The following YWHAZ variants were observed in gnomAD, a reference collection of about 807,000 sequenced individuals.
YWHAZ encodes the protein tyrosine 3-monooxygenase/tryptophan 5-monooxygenase activation protein zeta, also known as 14-3-3 protein zeta/delta.
For missense variants in YWHAZ, 79 were observed against 284.8 expected (o/e 0.28, Z 5.20); for synonymous variants, 87 against 103.6 (o/e 0.84, Z 0.97).
chr8:100,949,669 A>G lies in YWHAZ; in HGVS notation c.-11-769T>C, dbSNP rs920852503. On this transcript the variant is annotated intron_variant, in intron 1 of 5. Coordinates refer to ENST00000395958, the MANE Select transcript of YWHAZ (RefSeq NM_145690.3). ...GAGTACTAGAATATATCACATTGGAAGTACTTAATTTATAAGTGTTTCCAA... is the reference window on the plus strand; with the variant it reads ...GAGTACTAGAATATATCACATTGGAGGTACTTAATTTATAAGTGTTTCCAA... Among the ~76,000 whole-genome samples the G allele has an allele frequency of 2.6e-5, 4 of 152,340 alleles. No individual in the cohort carries two copies. The South Asian group carries it at 8.3e-4, about 32-fold the overall frequency.
At chr8:100,929,023 G>GTTA in intron 2 of YWHAZ, among the ~76,000 whole-genome samples, 1 of 152,194 alleles carries the variant, frequency 6.6e-6, no homozygotes, top group Non-Finnish European at 1.5e-5. Context: ...ACTAAAGAGG[G>GTTA]TAACTTAGGT....
chr8:100,950,114 A>C (rs1336768168), intron 1 of YWHAZ, among the ~76,000 whole-genome samples: 2 of 152,228 alleles, frequency 1.3e-5, no homozygotes, highest in Admixed American at 6.5e-5. Context: ...TTAAACAAAT[A>C]ATTAACCACT....
chr8:100,951,724 G>A (rs1810802989), intron 1 of YWHAZ: 4 of 985,336 alleles, frequency 4.1e-6, no homozygotes, highest in East Asian at 1.1e-4. Context: ...GCGGAAGCAA[G>A]GAGCCGGAGG....
chr8:100,917,391 T>C lies in YWHAZ; in HGVS notation c.*3302A>G, dbSNP rs1812748961. Reference sequence around the variant, plus strand: ...TTTACTAATCACACTGCTGCTCCACTTTCTGAAGGACAACTCTTAAGTGGC... The same window carrying C: ...TTTACTAATCACACTGCTGCTCCACCTTCTGAAGGACAACTCTTAAGTGGC... On this transcript the variant is annotated 3_prime_UTR_variant, in exon 6 of 6. Coordinates refer to ENST00000395958, the MANE Select transcript of YWHAZ (RefSeq NM_145690.3). 6.6e-6 allele frequency: 1 copy of C among 151,892 alleles called. No homozygotes were observed. Among genetic ancestry groups the C allele is most frequent in the Admixed American group, 6.6e-5 (1 of 15,206 alleles). The allele number at this position is 151,892 out of a possible 1,614,324, so 9.4% of individuals were successfully genotyped here.
At chr8:100,925,183 C>T in intron 2 of YWHAZ, 144 bp from the exon 3 acceptor site, 1 of 872,002 alleles carries the variant, frequency 1.1e-6, no homozygotes, top group Non-Finnish European at 1.7e-6. Flanking sequence ...ATGCAGCTGG[C>T]ACATGAATTT....
chr8:100,946,183 C>T (rs1244581878), intron 2 of YWHAZ, among the ~76,000 whole-genome samples: 2 of 152,176 alleles, frequency 1.3e-5, no homozygotes, highest in African/African-American at 4.8e-5. Flanking sequence ...TTATCCTCAT[C>T]TACTGGTTCT....
Position 100,948,555 on chromosome 8 carries a change from G to C in YWHAZ, c.294+41C>G, listed in dbSNP as rs769706615. 3.5e-5 allele frequency: 55 copies of C among 1,585,214 alleles called. No individual in the cohort carries two copies. The highest frequency in any genetic ancestry group is 4.1e-5 in the Non-Finnish European group (48 of 1,164,116). ...GAGTAATGTAACTGATACTCATAGG[G>C]ACCCTACAGTATAATGAAGCCAGAC... On this transcript the variant is annotated intron_variant, in intron 2 of 5. Transcript: ENST00000395958. The surrounding 1 kb of genome is among the most constrained non-coding windows in gnomAD (Gnocchi z 4.2).
rs1812939529 is a variant in YWHAZ, at chr8:100,920,636, G to A, written c.*57C>T. The A allele has an allele frequency of 2.9e-6, 4 of 1,371,178 alleles. No homozygotes were observed. Among genetic ancestry groups the A allele is most frequent in the African/African-American group, 1.4e-5 (1 of 70,454 alleles). 84.9% of individuals were successfully genotyped at this position (1,371,178 alleles called of 1,614,324 possible). On this transcript the variant is annotated 3_prime_UTR_variant, in exon 6 of 6. Coordinates refer to ENST00000395958, the MANE Select transcript of YWHAZ (RefSeq NM_145690.3). ...AAACTATTTGTGGGACAGCATGGAT[G>A]ACAAATGGTCTACTGTGTAAATTTT...
rs181698799 is a variant in YWHAZ, at chr8:100,932,643, A to G, written c.295-7604T>C. 5.9e-5 allele frequency among the ~76,000 whole-genome samples: 9 copies of G among 152,314 alleles called. No individual in the cohort carries two copies. The South Asian group carries it at 6.2e-4, about 11-fold the overall frequency. On this transcript the variant is annotated intron_variant, in intron 2 of 5. Transcript: ENST00000395958. ...AAGTGAGAGGCTCAATTCATTTAAG[A>G]TATTTGTCGAATACCTAGGTCTGAA...
Position 100,919,002 on chromosome 8 carries a change from G to C in YWHAZ, c.*1691C>G, listed in dbSNP as rs1812847431. On this transcript the variant is annotated 3_prime_UTR_variant, in exon 6 of 6. Transcript: ENST00000395958. ...GACAATGACAGACCATTCAGGATAG[G>C]TAGGGTTTTAAAGGGAGATAAACAC... 2 of 152,412 alleles carry C rather than the reference G, an allele frequency of 1.3e-5. No homozygotes were observed. The highest frequency in any genetic ancestry group is 1.3e-4 in the Admixed American group (2 of 15,274). The allele number at this position is 152,412 out of a possible 1,614,324, so 9.4% of individuals were successfully genotyped here.
chr8:100,949,440 C>CCTA (rs990391366), intron 1 of YWHAZ, among the ~76,000 whole-genome samples: 4 of 152,186 alleles, frequency 2.6e-5, no homozygotes, highest in Non-Finnish European at 4.4e-5. Flanking sequence ...CTACCCCAAA[C>CCTA]CTACTAGATC....
intron 1 of YWHAZ, chr8:100,950,311 G>A (rs1026692034): frequency 2.2e-6 from 2 of 909,376 alleles, no homozygotes; most frequent in Non-Finnish European, 2.6e-6. Flanking sequence ...TTCGGTACAA[G>A]AGGAAGTGGA....
rs1812761944 is a variant in YWHAZ at position 100,917,694 on chromosome 8, G to A, written c.*2999C>T. The A allele has an allele frequency of 6.6e-6, 1 of 152,170 alleles. No homozygotes were observed. The highest frequency in any genetic ancestry group is 1.5e-5 in the Non-Finnish European group (1 of 68,050). 9.4% of individuals were successfully genotyped at this position (152,170 alleles called of 1,614,324 possible). A position where few individuals can be genotyped will look rare whatever the true frequency, so the allele number is the denominator to read the frequency against. ...AGATCAGGCCACTGCACCCCAGCCT[G>A]GGCGAGAGTTGACACTCCGTCTTAA... is the stretch of plus-strand genomic sequence containing the variant. On this transcript the variant is annotated 3_prime_UTR_variant, in exon 6 of 6. Coordinates refer to ENST00000395958, the MANE Select transcript of YWHAZ (RefSeq NM_145690.3).
At chr8:100,930,078 AG>A (rs2130177410) in intron 2 of YWHAZ, among the ~76,000 whole-genome samples, 1 of 152,328 alleles carries the variant, frequency 6.6e-6, no homozygotes, top group African/African-American at 2.4e-5. Flanking sequence ...CCATAATATA[AG>A]GAAGTATACA....
intron 2 of YWHAZ, among the ~76,000 whole-genome samples, chr8:100,927,602 G>A (rs959378703): frequency 6.6e-6 from 1 of 152,130 alleles, no homozygotes; most frequent in African/African-American, 2.4e-5. Context: ...AGAGATGAAG[G>A]CCATAAACAC....
intron 2 of YWHAZ, among the ~76,000 whole-genome samples, chr8:100,935,355 C>T (rs1426059307): frequency 6.6e-6 from 1 of 152,146 alleles, no homozygotes; most frequent in Non-Finnish European, 1.5e-5. Context: ...ATTTTAATAG[C>T]TCAACATCCT....
intron 2 of YWHAZ, among the ~76,000 whole-genome samples, chr8:100,939,892 G>A (rs1270182058): frequency 2.0e-5 from 3 of 151,706 alleles, no homozygotes; most frequent in Non-Finnish European, 2.9e-5. Context: ...GCGTGGTGGC[G>A]GCCACCTGTA....
chr8:100,929,144 A>G lies in YWHAZ; in HGVS notation c.295-4105T>C, dbSNP rs3134379. ...GGGTGCATGTGATATTGATACATGC[A>G]TACAATATATAATGATCAAATCAGA... On this transcript the variant is annotated intron_variant, in intron 2 of 5. Coordinates refer to ENST00000395958, the MANE Select transcript of YWHAZ (RefSeq NM_145690.3). 3.4e-4 allele frequency among the ~76,000 whole-genome samples: 52 copies of G among 152,288 alleles called. 2 individuals carry two copies. In the East Asian group the frequency reaches 0.01, roughly 29 times the overall value.
intron 2 of YWHAZ, among the ~76,000 whole-genome samples, chr8:100,942,844 A>G (rs1296195406): frequency 1.3e-5 from 2 of 152,242 alleles, no homozygotes; most frequent in African/African-American, 4.8e-5. Flanking sequence ...AAAAGGAAAA[A>G]TAAGAGTAAC....
Sources: allele counts gnomAD v4.1 joint callset (sites outside exome capture counted in the v4.1 genomes callset), GRCh38; gene constraint gnomAD v4.1.1; non-coding constraint Gnocchi (gnomAD v3.1); transcripts MANE v1.5; gene names NCBI Gene and HGNC (gene_info 2026-07-23, HGNC 2026-07-21).